MAP3K9: variants seen among roughly 807,000 people sequenced by gnomAD.
MAP3K9 encodes mitogen-activated protein kinase kinase kinase 9.
Under a neutral mutation model 95.8 loss-of-function variants are expected in MAP3K9, and 46 were observed. That is an observed-to-expected ratio of 0.48 (90% CI 0.38 to 0.61). The LOEUF (loss-of-function observed/expected upper bound fraction) is 0.61, where lower values mean the gene tolerates loss of function less well. MAP3K9 is among the 20% of genes least tolerant of loss of function. The pLI is 0.00. For missense variants in MAP3K9, 1,296 were observed against 1,474.3 expected (o/e 0.88, Z 1.98); for synonymous variants, 533 against 593.8 (o/e 0.90, Z 1.49).
At chr14:70,739,788 G>A in intron 7 of MAP3K9, 3 of 1,197,976 alleles carry the variant, frequency 2.5e-6, no homozygotes, top group Non-Finnish European at 1.1e-6. Flanking sequence ...AACCACTAAA[G>A]ATCCCATTAG....
rs761285831 is a variant in MAP3K9 at position 70,730,838 on chromosome 14, G to C, written c.2857C>G (p.Arg953Gly). ...AGMLKTPSPS[R>G]DPGEFPRLPD... The stretch of plus-strand genomic sequence containing the variant: ...AGACGGGGGAATTCACCTGGGTCTC[G>C]GCTGGGACTGGGGGTTTTCAACATT... The change falls in exon 12 of 12, where the codon CGA (arginine) becomes GGA (glycine). Residue 953 changes from arginine (R) to glycine (G), a missense_variant. Arg to Gly is a moderately radical substitution (Grantham distance 125, BLOSUM62 -2). Around this residue, in one of 5 missense-constraint regions of MAP3K9, gnomAD observed 433 missense variants for 441.4 expected, o/e 0.98. Transcript: ENST00000554752. The C allele has an allele frequency of 6.2e-7, 1 of 1,608,176 alleles. No individual in the cohort carries two copies. The highest frequency in any genetic ancestry group is 8.5e-7 in the Non-Finnish European group (1 of 1,179,088).
In MAP3K9 at chr14:70,730,613, T is replaced by C; in HGVS notation, c.3082A>G (p.Thr1028Ala). 4 of 1,613,906 alleles carry C rather than the reference T, an allele frequency of 2.5e-6. No individual in the cohort carries two copies. The highest frequency in any genetic ancestry group is 2.5e-6 in the Non-Finnish European group (3 of 1,180,024). Residue 1028 changes from threonine to alanine, a missense_variant, in exon 12 of 12, where the codon ACG (threonine) becomes GCG (alanine). Thr to Ala is a moderately conservative substitution (Grantham distance 58). Around this residue, in one of 5 missense-constraint regions of MAP3K9, gnomAD observed 433 missense variants for 441.4 expected, o/e 0.98. Coordinates refer to ENST00000554752, the MANE Select transcript of MAP3K9 (RefSeq NM_001284230.2). The part of the protein sequence containing the change: ...TSPANSSSTE[T>A]PSNLDSCFAS... ...AAGCAGGAGTCCAGGTTGCTGGGCG[T>C]CTCTGTGCTGGAGCTGTTGGCTGGG...
chr14:70,785,848 A>G (rs1265504120), intron 2 of MAP3K9, among the ~76,000 whole-genome samples: 1 of 152,176 alleles, frequency 6.6e-6, no homozygotes, highest in Non-Finnish European at 1.5e-5. Context: ...ATGGTGTGCA[A>G]TTTAAAACTT....
intron 2 of MAP3K9, among the ~76,000 whole-genome samples, chr14:70,792,046 T>C (rs1295509419): frequency 6.6e-6 from 1 of 152,234 alleles, no homozygotes; most frequent in African/African-American, 2.4e-5. Context: ...TGGTTTCTTC[T>C]GCTGAGTCCT....
At chr14:70,783,536 T>C (rs2139830830) in intron 2 of MAP3K9, 1 of 355,742 alleles carries the variant, frequency 2.8e-6, no homozygotes, top group East Asian at 1.7e-4. Flanking sequence ...AAATTCTCTT[T>C]GTGAGGTGGG....
chr14:70,793,409 G>A (rs541971798), intron 2 of MAP3K9, among the ~76,000 whole-genome samples: 36 of 152,308 alleles, frequency 2.4e-4, no homozygotes, highest in African/African-American at 8.2e-4. Context: ...CCATATGGCC[G>A]GGCCTGGTGG....
chr14:70,768,929 T>C (rs1011929640), intron 2 of MAP3K9, among the ~76,000 whole-genome samples: 2 of 152,238 alleles, frequency 1.3e-5, no homozygotes, highest in African/African-American at 4.8e-5. Context: ...CCATCTCTCC[T>C]ACATTACGTA....
At chr14:70,787,057 A>G (rs1474354356) in intron 2 of MAP3K9, among the ~76,000 whole-genome samples, 1 of 152,210 alleles carries the variant, frequency 6.6e-6, no homozygotes, top group Non-Finnish European at 1.5e-5. Context: ...AAGAATAGGA[A>G]AGCCAAATAT....
chr14:70,774,611 G>A (rs953500083), intron 2 of MAP3K9, among the ~76,000 whole-genome samples: 2 of 152,006 alleles, frequency 1.3e-5, no homozygotes, highest in African/African-American at 4.8e-5. Flanking sequence ...TGCCTCTGCA[G>A]TGAGCCAAGA....
In MAP3K9 at chr14:70,761,115, G is replaced by A; in HGVS notation, c.888C>T (p.Gly296=). Residue 296 remains glycine, a synonymous_variant, in exon 3 of 12, where the codon GGC becomes GGT. Transcript: ENST00000554752. The part of the protein sequence containing the change: ...SNKILKITDF[G]LAREWHRTTK... ...TGGTTCGGTGCCATTCCCGAGCCAG[G>A]CCAAAATCAGTGATCTTCAGAATCT... The A allele has an allele frequency of 6.2e-7, 1 of 1,614,144 alleles. No individual in the cohort carries two copies. The highest frequency in any genetic ancestry group is 1.3e-5 in the African/African-American group (1 of 75,032).
chr14:70,760,164 CACACACACAT>C (rs1201050727), intron 3 of MAP3K9, among the ~76,000 whole-genome samples: 9 of 151,650 alleles, frequency 5.9e-5, no homozygotes, highest in Non-Finnish European at 1.2e-4. Context: ...CACACACACA[CACACACACAT>C]ACACAGCTCA....
At chr14:70,779,459 C>T (rs534187480) in intron 2 of MAP3K9, among the ~76,000 whole-genome samples, 6 of 152,296 alleles carry the variant, frequency 3.9e-5, no homozygotes, top group Admixed American at 6.5e-5. Context: ...TTCACATACA[C>T]GGAGAAAGAG....
At chr14:70,751,676 G>A (rs2054230175) in intron 3 of MAP3K9, among the ~76,000 whole-genome samples, 1 of 152,200 alleles carries the variant, frequency 6.6e-6, no homozygotes, top group Middle Eastern at 3.4e-3. Context: ...CCAAGATCAC[G>A]CCACTGCACT....
At position 70,730,435 on chromosome 14, in the gene MAP3K9, T is replaced by C. The variant is rs748663344; in HGVS notation, c.3260A>G (p.Glu1087Gly). ...AGGGGCAGGCCTGTGTGTGTTCAGT[T>C]CCGCTCTGCACAGCGGCACGGTGCT... ...QDSTVPLCRA[E>G]LNTHRPAPYE... Residue 1087 changes from glutamate to glycine, a missense_variant, in exon 12 of 12, where the codon GAA (glutamate) becomes GGA (glycine). Physicochemically the swap from Glu to Gly is moderately conservative, Grantham distance 98. Coordinates refer to ENST00000554752, the MANE Select transcript of MAP3K9 (RefSeq NM_001284230.2). 5 of 1,614,188 alleles carry C rather than the reference T, an allele frequency of 3.1e-6. No individual in the cohort carries two copies. In the South Asian group the frequency reaches 5.5e-5, roughly 18 times the overall value.
At chr14:70,789,473 A>G (rs1311858628) in intron 2 of MAP3K9, among the ~76,000 whole-genome samples, 3 of 152,186 alleles carry the variant, frequency 2.0e-5, no homozygotes, top group Non-Finnish European at 2.9e-5. Flanking sequence ...TACTGAATGC[A>G]GTGCCTGTGT....
chr14:70,767,638 C>T (rs1034732877), intron 2 of MAP3K9, among the ~76,000 whole-genome samples: 1 of 152,044 alleles, frequency 6.6e-6, no homozygotes, highest in Non-Finnish European at 1.5e-5. Context: ...CCTGAAGACT[C>T]TCAGCTTATC....
At chr14:70,754,423 C>A (rs1168511528) in intron 3 of MAP3K9, among the ~76,000 whole-genome samples, 1 of 152,114 alleles carries the variant, frequency 6.6e-6, no homozygotes, top group African/African-American at 2.4e-5. Flanking sequence ...CTTTCCCTAT[C>A]TTTTCTTTCT....
intron 2 of MAP3K9, among the ~76,000 whole-genome samples, chr14:70,770,900 A>T (rs185755095): frequency 6.6e-6 from 1 of 152,170 alleles, no homozygotes; most frequent in Admixed American, 6.5e-5. Context: ...GTTCCTTAGA[A>T]AGGACGCGTA....
intron 3 of MAP3K9, among the ~76,000 whole-genome samples, chr14:70,759,527 T>C (rs2054341566): frequency 6.6e-6 from 1 of 152,244 alleles, no homozygotes. Flanking sequence ...GCTATATCTA[T>C]GTCCCAATAC....
Sources: gnomAD v4.1 joint callset for allele counts (sites outside exome capture counted in the v4.1 genomes callset) on GRCh38, gnomAD v4.1.1 for gene constraint, gnomAD v4.1.1 regional missense constraint, MANE v1.5 for transcripts, NCBI Gene and HGNC (gene_info 2026-07-23, HGNC 2026-07-21) for gene names.